CDH17: variants seen among roughly 807,000 people sequenced by gnomAD.
CDH17 encodes cadherin-17.
CDH17 carries 67 observed loss-of-function variants against 86.3 expected under a neutral mutation model. The observed-to-expected ratio is 0.78, with a 90% CI of 0.64 to 0.95. The LOEUF is 0.95. CDH17 is among the 40% of genes least tolerant of loss of function. The pLI, the probability that CDH17 is intolerant of heterozygous loss-of-function variation, is 0.00. For synonymous variants in CDH17, 367 were observed against 366.4 expected (o/e 1.00, Z -0.02); for missense variants, 993 against 1,017.6 (o/e 0.98, Z 0.33).
intron 13 of CDH17, among the ~76,000 whole-genome samples, chr8:94,150,534 T>C (rs1295215133): frequency 6.6e-6 from 1 of 152,238 alleles, no homozygotes; most frequent in East Asian, 1.9e-4. Flanking sequence ...AACAGACTTA[T>C]TACTCATGTC....
intron 15 of CDH17, among the ~76,000 whole-genome samples, chr8:94,131,932 G>T (rs550525341): frequency 6.6e-6 from 1 of 152,194 alleles, no homozygotes; most frequent in Non-Finnish European, 1.5e-5. Context: ...GCAGTGTTTG[G>T]TGTTATGTCC....
intron 2 of CDH17, among the ~76,000 whole-genome samples, chr8:94,191,613 C>T (rs1012915232): frequency 1.5e-4 from 23 of 151,774 alleles, no homozygotes; most frequent in Non-Finnish European, 1.3e-4. Flanking sequence ...CCACCATGCC[C>T]GACTAATTTT....
intron 15 of CDH17, among the ~76,000 whole-genome samples, chr8:94,136,029 A>C (rs1812517120): frequency 3.3e-5 from 5 of 152,182 alleles, no homozygotes; most frequent in African/African-American, 9.7e-5. Flanking sequence ...ATCCACTGTT[A>C]GTCTGATGGG....
chr8:94,209,212 A>G (rs1814084143), upstream of CDH17, among the ~76,000 whole-genome samples: 1 of 152,216 alleles, frequency 6.6e-6, no homozygotes, highest in Non-Finnish European at 1.5e-5. Context: ...TCCCCAATCA[A>G]AATGAGGTTT....
At chr8:94,204,087 C>T (rs1189646784) in intron 1 of CDH17, among the ~76,000 whole-genome samples, 1 of 152,142 alleles carries the variant, frequency 6.6e-6, no homozygotes, top group Non-Finnish European at 1.5e-5. Flanking sequence ...TTATAATACA[C>T]ATTACTAGCA....
At chr8:94,203,970 G>A (rs1248897765) in intron 1 of CDH17, among the ~76,000 whole-genome samples, 3 of 152,182 alleles carry the variant, frequency 2.0e-5, no homozygotes, top group Non-Finnish European at 4.4e-5. Context: ...TGCAAAATTA[G>A]AGGTGATGAT....
chr8:94,194,718 C>G lies in CDH17; in HGVS notation c.-20-13G>C, dbSNP rs1362998614. On this transcript the variant is annotated splice_polypyrimidine_tract_variant and intron_variant, in intron 1 of 17. Coordinates refer to ENST00000027335, the MANE Select transcript of CDH17 (RefSeq NM_004063.4). Reference sequence around the variant, plus strand: ...TTTATTCAAATTCCTGTGAAGGAACCAGATAAAAAAATGGTTAGTTACCAG... The same window carrying G: ...TTTATTCAAATTCCTGTGAAGGAACGAGATAAAAAAATGGTTAGTTACCAG... 6.8e-7 allele frequency: 1 copy of G among 1,474,114 alleles called. No homozygotes were observed. The highest frequency in any genetic ancestry group is 1.4e-5 in the African/African-American group (1 of 70,758). The allele number at this position is 1,474,114 out of a possible 1,614,324, so 91.3% of individuals were successfully genotyped here.
At position 94,160,111 on chromosome 8, in the gene CDH17, T is replaced by G. The variant is rs1813023301; in HGVS notation, c.1411A>C (p.Thr471Pro). 2 of 1,613,576 alleles carry G rather than the reference T, an allele frequency of 1.2e-6. No homozygotes were observed. The highest frequency in any genetic ancestry group is 3.3e-5 in the Admixed American group (2 of 59,942). Residue 471 changes from threonine (T) to proline (P), a missense_variant, in exon 12 of 18, where the codon ACC becomes CCC. By Grantham distance (38) the Thr-to-Pro change is conservative. Transcript: ENST00000027335. ...EDTNIGSTIL[T>P]IQATDADEPF... is the part of the protein sequence containing the mutation. ...TCATCAGCATCAGTGGCCTGGATGG[T>G]TAAGATGGTGGACCCAATGTTTGTG...
intron 7 of CDH17, among the ~76,000 whole-genome samples, chr8:94,173,021 C>A (rs928034527): frequency 6.6e-6 from 1 of 152,168 alleles, no homozygotes; most frequent in South Asian, 2.1e-4. Flanking sequence ...CCTTTCAAAT[C>A]TATTTGCAAC....
At chr8:94,173,408 G>T (rs1043756057) in intron 7 of CDH17, among the ~76,000 whole-genome samples, 1 of 152,128 alleles carries the variant, frequency 6.6e-6, no homozygotes, top group Non-Finnish European at 1.5e-5. Context: ...TGCTCCCATT[G>T]TCGTCATATG....
Position 94,159,569 on chromosome 8 carries a change from T to C in CDH17, c.1551+402A>G, listed in dbSNP as rs149686538. 3.9e-3 allele frequency among the ~76,000 whole-genome samples: 590 copies of C among 152,244 alleles called. 3 individuals carry two copies. The highest frequency in any genetic ancestry group is 0.037 in the Middle Eastern group (11 of 294). On this transcript the variant is annotated intron_variant, in intron 12 of 17. Coordinates refer to ENST00000027335, the MANE Select transcript of CDH17 (RefSeq NM_004063.4). ...GTGCCACTCCCAGACCGTAAGAGTG[T>C]TGCGAGATTTAGCAAATAGCAAATA...
intron 2 of CDH17, among the ~76,000 whole-genome samples, chr8:94,192,388 A>G (rs1348998691): frequency 6.6e-6 from 1 of 152,192 alleles, no homozygotes. Flanking sequence ...TGGAACTGCC[A>G]TCTTAAAGTC....
upstream of CDH17, among the ~76,000 whole-genome samples, chr8:94,210,858 T>TA (rs1431482644): frequency 2.6e-5 from 4 of 151,690 alleles, no homozygotes; most frequent in African/African-American, 4.8e-5. Context: ...TCATCTCTAC[T>TA]AAAAATGCAA....
intron 15 of CDH17, among the ~76,000 whole-genome samples, chr8:94,139,483 A>T (rs1812594124): frequency 6.6e-6 from 1 of 152,224 alleles, no homozygotes; most frequent in African/African-American, 2.4e-5. Context: ...AAACTTCAGG[A>T]ATAAGAAAAA....
chr8:94,204,085 C>T (rs562543239), intron 1 of CDH17, among the ~76,000 whole-genome samples: 2 of 152,280 alleles, frequency 1.3e-5, no homozygotes, highest in South Asian at 4.1e-4. Context: ...AATTATAATA[C>T]ACATTACTAG....
At chr8:94,211,502 G>A (rs553899024), upstream of CDH17, among the ~76,000 whole-genome samples, 14 of 152,106 alleles carry the variant, frequency 9.2e-5, no homozygotes, top group South Asian at 4.2e-4. Context: ...TAGTAGAGAC[G>A]GGGTTTAACC....
chr8:94,196,104 A>C (rs1007321909), intron 1 of CDH17, among the ~76,000 whole-genome samples: 2 of 152,166 alleles, frequency 1.3e-5, no homozygotes, highest in African/African-American at 4.8e-5. Context: ...CGAAAATTCC[A>C]ATCACTTTAT....
chr8:94,174,732 T>G (rs1217819609), intron 5 of CDH17, among the ~76,000 whole-genome samples: 2 of 152,174 alleles, frequency 1.3e-5, no homozygotes, highest in Non-Finnish European at 2.9e-5. Context: ...TAATTTTCCT[T>G]CATATATTTC....
intron 5 of CDH17, 146 bp downstream of exon 5, chr8:94,176,395 T>G (rs1473932609): frequency 1.2e-6 from 1 of 809,300 alleles, no homozygotes; most frequent in Non-Finnish European, 2.0e-6. Flanking sequence ...GCAATAGAGA[T>G]AGTGAAACAA....
Sources: gnomAD v4.1 joint callset for allele counts (sites outside exome capture counted in the v4.1 genomes callset) on GRCh38, gnomAD v4.1.1 for gene constraint, MANE v1.5 for transcripts, NCBI Gene and HGNC (gene_info 2026-07-23, HGNC 2026-07-21) for gene names.